NME7: variants seen among roughly 807,000 people sequenced by gnomAD.
NME7 encodes the protein NME/NM23 family member 7, also known as nucleoside diphosphate kinase 7.
A neutral mutation model predicts 49.1 loss-of-function variants in NME7; 41 were observed. That is an observed-to-expected ratio of 0.83 (90% CI 0.65 to 1.08). The LOEUF is 1.08. NME7 is among the 50% of genes least tolerant of loss of function. The pLI is 0.00. For missense variants in NME7, 423 were observed against 463.4 expected (o/e 0.91, Z 0.80); for synonymous variants, 139 against 150.6 (o/e 0.92, Z 0.56).
At chr1:169,173,344 T>C (rs1018831557) in intron 10 of NME7, among the ~76,000 whole-genome samples, 6 of 152,148 alleles carry the variant, frequency 3.9e-5, no homozygotes, top group Admixed American at 3.3e-4. Context: ...GTCATAGTTT[T>C]AGAATAAAGG....
intron 10 of NME7, among the ~76,000 whole-genome samples, chr1:169,229,497 T>A (rs1270099339): frequency 6.6e-6 from 1 of 152,214 alleles, no homozygotes; most frequent in Non-Finnish European, 1.5e-5. Context: ...AATAACAATA[T>A]CCTTATTTGC....
intron 10 of NME7, among the ~76,000 whole-genome samples, chr1:169,210,163 A>G (rs1660770869): frequency 6.6e-6 from 1 of 152,162 alleles, no homozygotes; most frequent in African/African-American, 2.4e-5. Flanking sequence ...TCTAACAAAA[A>G]TGGAGGTAAA....
At chr1:169,292,765 A>G (rs1010933038) in intron 6 of NME7, among the ~76,000 whole-genome samples, 13 of 152,164 alleles carry the variant, frequency 8.5e-5, no homozygotes, top group Non-Finnish European at 1.8e-4. Flanking sequence ...TGTGGAAGAT[A>G]TATTTGAGGT....
At chr1:169,193,994 G>C (rs1468259370) in intron 10 of NME7, among the ~76,000 whole-genome samples, 3 of 151,552 alleles carry the variant, frequency 2.0e-5, no homozygotes, top group African/African-American at 7.3e-5. Context: ...AAAAAATGAA[G>C]GAACTGAAAG....
chr1:169,175,107 G>A (rs922896990), intron 10 of NME7, among the ~76,000 whole-genome samples: 2 of 151,854 alleles, frequency 1.3e-5, no homozygotes, highest in Non-Finnish European at 2.9e-5. Flanking sequence ...TATTCTATAA[G>A]CTTTTTCTAT....
chr1:169,206,009 G>A (rs1660664674), intron 10 of NME7, among the ~76,000 whole-genome samples: 1 of 151,964 alleles, frequency 6.6e-6, no homozygotes, highest in African/African-American at 2.4e-5. Context: ...TCTCCTTCAA[G>A]TCTGTATCCA....
At chr1:169,153,865 A>ATTTTTTT (rs34219745) in intron 11 of NME7, among the ~76,000 whole-genome samples, 1 of 145,716 alleles carries the variant, frequency 6.9e-6, no homozygotes. Context: ...TGCTCGGCTA[A>ATTTTTTT]TTTTTTTTTT....
chr1:169,218,342 T>C (rs901297583), intron 10 of NME7, among the ~76,000 whole-genome samples: 3 of 152,136 alleles, frequency 2.0e-5, no homozygotes, highest in Admixed American at 1.3e-4. Flanking sequence ...CTTGTAATCC[T>C]AGCACACCGG....
chr1:169,301,682 T>C (rs906224986), intron 5 of NME7, among the ~76,000 whole-genome samples: 25 of 151,912 alleles, frequency 1.6e-4, no homozygotes, highest in Non-Finnish European at 2.1e-4. Flanking sequence ...TGCCCATCAG[T>C]GGCAGATTGG....
chr1:169,154,576 G>A (rs578224408), intron 11 of NME7, among the ~76,000 whole-genome samples: 2 of 152,184 alleles, frequency 1.3e-5, no homozygotes, highest in South Asian at 2.1e-4. Flanking sequence ...GGGAGGCCAA[G>A]GTGAGCAGAT....
intron 7 of NME7, among the ~76,000 whole-genome samples, chr1:169,262,842 G>A (rs1339988840): frequency 7.5e-6 from 1 of 133,950 alleles, no homozygotes; most frequent in Non-Finnish European, 1.8e-5. Flanking sequence ...CAACTCCCAT[G>A]TCCCCCCAGG....
At chr1:169,303,860 G>A (rs1306946533) in intron 4 of NME7, among the ~76,000 whole-genome samples, 2 of 152,142 alleles carry the variant, frequency 1.3e-5, no homozygotes, top group African/African-American at 4.8e-5. Flanking sequence ...TCAAAAAAAT[G>A]CAAAGCCATC....
chr1:169,175,598 T>C (rs573993132), intron 10 of NME7, among the ~76,000 whole-genome samples: 1 of 152,278 alleles, frequency 6.6e-6, no homozygotes, highest in African/African-American at 2.4e-5. Context: ...AGCTCCATTA[T>C]AATCTTATGG....
intron 11 of NME7, among the ~76,000 whole-genome samples, chr1:169,140,468 T>G (rs965243624): frequency 7.9e-5 from 12 of 152,186 alleles, no homozygotes; most frequent in Admixed American, 3.3e-4. Context: ...CTGGGTGAAT[T>G]TATAAAGTTG....
intron 10 of NME7, among the ~76,000 whole-genome samples, chr1:169,223,774 C>CAT (rs369704336): frequency 0.011 from 1,594 of 150,946 alleles, 35 homozygotes; most frequent in African/African-American, 0.033. Flanking sequence ...GGAATACATG[C>CAT]ATATATATAT....
At chr1:169,253,738 T>C (rs898196518) in intron 7 of NME7, among the ~76,000 whole-genome samples, 32 of 152,172 alleles carry the variant, frequency 2.1e-4, no homozygotes, top group Non-Finnish European at 4.4e-4. Flanking sequence ...ATACGTCCCA[T>C]CAATACCTAA....
chr1:169,279,816 A>G (rs1477745413), intron 7 of NME7, among the ~76,000 whole-genome samples: 1 of 152,148 alleles, frequency 6.6e-6, no homozygotes, highest in East Asian at 1.9e-4. Context: ...AGCTGTTCCT[A>G]TTCGGCCATC....
chr1:169,319,951 T>C (rs1205355588), intron 3 of NME7, among the ~76,000 whole-genome samples: 1 of 152,228 alleles, frequency 6.6e-6, no homozygotes. Flanking sequence ...TTGATTTTTA[T>C]AAACTTCTTA....
In NME7 at chr1:169,300,647, T is replaced by C. The variant is rs115620666; in HGVS notation, c.441-1884A>G. The stretch of plus-strand genomic sequence containing the variant: ...TTAAAATAGAAAGGTTCCATGAACA[T>C]TGCTTTATGTATACAAGACTACCAA... On this transcript the variant is annotated intron_variant, in intron 5 of 11. Coordinates refer to ENST00000367811, the MANE Select transcript of NME7 (RefSeq NM_013330.5). 4.4e-3 allele frequency among the ~76,000 whole-genome samples: 671 copies of C among 152,184 alleles called. 4 individuals are homozygous for C. Among genetic ancestry groups the C allele is most frequent in the African/African-American group, 0.016 (648 of 41,560 alleles).
Sources: gnomAD v4.1 joint callset for allele counts (sites outside exome capture counted in the v4.1 genomes callset) on GRCh38, gnomAD v4.1.1 for gene constraint, MANE v1.5 for transcripts, NCBI Gene and HGNC (gene_info 2026-07-23, HGNC 2026-07-21) for gene names.